LAMA2: variants seen among roughly 807,000 people sequenced by gnomAD.
The protein encoded by LAMA2 is laminin subunit alpha 2.
Under a neutral mutation model 364.8 loss-of-function variants are expected in LAMA2, and 269 were observed. The observed-to-expected ratio is 0.74, with a 90% CI of 0.67 to 0.82. The LOEUF (loss-of-function observed/expected upper bound fraction) is 0.82, where lower values mean the gene tolerates loss of function less well. LAMA2 is among the 40% of genes least tolerant of loss of function. The pLI, the probability that LAMA2 is intolerant of heterozygous loss-of-function variation, is 0.00. For synonymous variants in LAMA2, 1,379 were observed against 1,370.6 expected (o/e 1.01, Z -0.14); for missense variants, 3,807 against 3,873.2 (o/e 0.98, Z 0.45).
chr6:129,310,135 G>A (rs1391873366), intron 22 of LAMA2, among the ~76,000 whole-genome samples: 1 of 151,882 alleles, frequency 6.6e-6, no homozygotes, highest in African/African-American at 2.4e-5. Context: ...TCCTGACCTC[G>A]TGATCCGCCC....
chr6:128,916,140 C>G (rs1186358398), intron 1 of LAMA2, among the ~76,000 whole-genome samples: 1 of 152,092 alleles, frequency 6.6e-6, no homozygotes, highest in Non-Finnish European at 1.5e-5. Flanking sequence ...TGATGATAGT[C>G]CTGCATTTCA....
At chr6:129,381,201 G>A (rs1027077477) in intron 34 of LAMA2, among the ~76,000 whole-genome samples, 1 of 152,132 alleles carries the variant, frequency 6.6e-6, no homozygotes, top group Non-Finnish European at 1.5e-5. Flanking sequence ...TAAGATATTG[G>A]AAGATGACCA....
chr6:129,111,891 T>A (rs1325979546), intron 4 of LAMA2, among the ~76,000 whole-genome samples: 5 of 152,010 alleles, frequency 3.3e-5, no homozygotes, highest in Non-Finnish European at 5.9e-5. Context: ...TGTAAGGAAC[T>A]ACATGAAAGT....
intron 1 of LAMA2, among the ~76,000 whole-genome samples, chr6:128,904,847 A>G (rs1777320859): frequency 2.6e-5 from 4 of 152,186 alleles, no homozygotes; most frequent in Admixed American, 1.3e-4. Flanking sequence ...AGAATATAAT[A>G]AGCATTGTTA....
chr6:129,136,714 ATG>A (rs774237807), intron 4 of LAMA2, among the ~76,000 whole-genome samples: 3 of 152,332 alleles, frequency 2.0e-5, no homozygotes, highest in Non-Finnish European at 2.9e-5. Flanking sequence ...ACTGAAGAAT[ATG>A]TTTAAATATT....
At chr6:129,041,346 A>G (rs1787079238) in intron 1 of LAMA2, among the ~76,000 whole-genome samples, 1 of 152,216 alleles carries the variant, frequency 6.6e-6, no homozygotes, top group Non-Finnish European at 1.5e-5. Flanking sequence ...AAGAACTGGA[A>G]AACTGTACAA....
At chr6:129,013,340 G>A (rs1223716629) in intron 1 of LAMA2, among the ~76,000 whole-genome samples, 1 of 152,138 alleles carries the variant, frequency 6.6e-6, no homozygotes, top group African/African-American at 2.4e-5. Context: ...GGGAGGCTGA[G>A]GCAGGAGAAT....
intron 1 of LAMA2, among the ~76,000 whole-genome samples, chr6:128,968,333 G>C (rs1298825718): frequency 6.6e-6 from 1 of 152,112 alleles, no homozygotes; most frequent in Non-Finnish European, 1.5e-5. Flanking sequence ...CTCTTATGAG[G>C]TGCCAGGCAC....
chr6:129,266,380 T>A (rs1010647734), intron 15 of LAMA2, among the ~76,000 whole-genome samples: 4 of 152,132 alleles, frequency 2.6e-5, no homozygotes, highest in African/African-American at 9.7e-5. Context: ...TTTTATATAA[T>A]AAAGTGTTTC....
intron 22 of LAMA2, among the ~76,000 whole-genome samples, chr6:129,304,304 C>A (rs1194458114): frequency 6.6e-6 from 1 of 151,898 alleles, no homozygotes; most frequent in African/African-American, 2.4e-5. Context: ...TTGCTCTGAC[C>A]CCCAGGCTCG....
intron 15 of LAMA2, among the ~76,000 whole-genome samples, chr6:129,263,303 G>A (rs1433410107): frequency 6.6e-6 from 1 of 152,112 alleles, no homozygotes; most frequent in Non-Finnish European, 1.5e-5. Flanking sequence ...ATGCCAGAAA[G>A]CAAATAGAAA....
chr6:129,204,448 C>A (rs925465676), intron 12 of LAMA2, among the ~76,000 whole-genome samples: 1 of 148,760 alleles, frequency 6.7e-6, no homozygotes, highest in Non-Finnish European at 1.5e-5. Flanking sequence ...TTAAGGTGGG[C>A]GCTAACGCAA....
At chr6:129,217,630 A>G (rs1406835048) in intron 12 of LAMA2, among the ~76,000 whole-genome samples, 2 of 152,224 alleles carry the variant, frequency 1.3e-5, no homozygotes, top group Admixed American at 6.5e-5. Flanking sequence ...TATTAAAACA[A>G]GAGCTGTTTC....
At chr6:129,212,046 CA>C (rs1313784887) in intron 12 of LAMA2, among the ~76,000 whole-genome samples, 1 of 152,128 alleles carries the variant, frequency 6.6e-6, no homozygotes, top group East Asian at 1.9e-4. Flanking sequence ...TTGAAACTTA[CA>C]AAAAGTGTTG....
intron 34 of LAMA2, among the ~76,000 whole-genome samples, chr6:129,373,052 G>A (rs1343254978): frequency 2.0e-5 from 3 of 152,174 alleles, no homozygotes; most frequent in Admixed American, 6.5e-5. Flanking sequence ...TATCAGATAT[G>A]TCTTTTGCCA....
intron 37 of LAMA2, among the ~76,000 whole-genome samples, chr6:129,399,878 G>A (rs919367528): frequency 5.3e-5 from 8 of 152,154 alleles, no homozygotes; most frequent in South Asian, 2.1e-4. Context: ...TAGTATTTTC[G>A]TAGTCAAGGA....
In LAMA2 at chr6:129,032,069, C is replaced by T. The variant is rs1024971819; in HGVS notation, c.113-17849C>T. On this transcript the variant is annotated intron_variant, in intron 1 of 64. Coordinates refer to ENST00000421865, the MANE Select transcript of LAMA2 (RefSeq NM_000426.4). Reference sequence around the variant, plus strand: ...TCCTACTCAGGTGATCCTCCTGCCTCGGCCTCCCAAAGTGCTGGGATTACA... The same window carrying T: ...TCCTACTCAGGTGATCCTCCTGCCTTGGCCTCCCAAAGTGCTGGGATTACA... Among the ~76,000 whole-genome samples the T allele has an allele frequency of 2.0e-5, 3 of 152,194 alleles. No individual in the cohort carries two copies. The East Asian group carries it at 5.8e-4, about 29-fold the overall frequency.
At chr6:129,390,117 G>T (rs1473564209) in intron 35 of LAMA2, among the ~76,000 whole-genome samples, 1 of 152,188 alleles carries the variant, frequency 6.6e-6, no homozygotes, top group African/African-American at 2.4e-5. Flanking sequence ...ATTGTGGAAA[G>T]GGTATATTAG....
chr6:128,927,111 T>A (rs967966328), intron 1 of LAMA2, among the ~76,000 whole-genome samples: 2 of 152,162 alleles, frequency 1.3e-5, no homozygotes, highest in Non-Finnish European at 1.5e-5. Context: ...TGAAATGGTA[T>A]CCATAGCTGA....
Sources: allele counts gnomAD v4.1 joint callset (sites outside exome capture counted in the v4.1 genomes callset), GRCh38; gene constraint gnomAD v4.1.1; transcripts MANE v1.5; gene names NCBI Gene and HGNC (gene_info 2026-07-23, HGNC 2026-07-21).